LRRTM4: variants seen among roughly 807,000 people sequenced by gnomAD.
The protein encoded by LRRTM4 is leucine-rich repeat transmembrane neuronal protein 4.
In LRRTM4, 25 loss-of-function variants were observed where a neutral mutation model predicts 47.6. That is an observed-to-expected ratio of 0.53 (90% CI 0.38 to 0.73). The LOEUF is 0.73. Among genes scored for constraint, LRRTM4 ranks in the 30% least tolerant of loss-of-function variants. The pLI is 0.00. For missense variants in LRRTM4, 638 were observed against 713.4 expected, an observed-to-expected ratio of 0.89 and a Z score of 1.20; for synonymous variants, 311 against 269.5, an observed-to-expected ratio of 1.15 and a Z score of -1.51.
chr2:77,403,214 A>G (rs943482181), intron 3 of LRRTM4, among the ~76,000 whole-genome samples: 2 of 151,960 alleles, frequency 1.3e-5, no homozygotes, highest in Admixed American at 6.6e-5. Flanking sequence ...TTGCCTTCCT[A>G]TACTGACTTT....
At chr2:77,325,123 C>T (rs896996670) in intron 3 of LRRTM4, among the ~76,000 whole-genome samples, 4 of 151,988 alleles carry the variant, frequency 2.6e-5, no homozygotes, top group Middle Eastern at 3.2e-3. Flanking sequence ...AGTGATATAC[C>T]ACTCTACATT....
At chr2:76,911,458 G>A (rs1000050176) in intron 3 of LRRTM4, among the ~76,000 whole-genome samples, 1 of 152,124 alleles carries the variant, frequency 6.6e-6, no homozygotes, top group South Asian at 2.1e-4. Flanking sequence ...CTTTGTTTTT[G>A]TATTCCCATC....
At chr2:77,019,856 A>T (rs1443445870) in intron 3 of LRRTM4, among the ~76,000 whole-genome samples, 1 of 152,090 alleles carries the variant, frequency 6.6e-6, no homozygotes, top group South Asian at 2.1e-4. Context: ...GGGTAATGGG[A>T]AAAGGTTAGA....
chr2:77,432,118 T>A (rs1675401999), intron 3 of LRRTM4, among the ~76,000 whole-genome samples: 1 of 151,990 alleles, frequency 6.6e-6, no homozygotes, highest in Admixed American at 6.6e-5. Context: ...ATCAAGTAAG[T>A]TCAAAACCCA....
chr2:77,059,578 A>G (rs1679719631), intron 3 of LRRTM4, among the ~76,000 whole-genome samples: 1 of 152,186 alleles, frequency 6.6e-6, no homozygotes, highest in Non-Finnish European at 1.5e-5. Flanking sequence ...AAGAGACTCA[A>G]TAATTTTGTT....
At chr2:77,222,966 C>G (rs955824096) in intron 3 of LRRTM4, among the ~76,000 whole-genome samples, 1 of 152,104 alleles carries the variant, frequency 6.6e-6, no homozygotes, top group South Asian at 2.1e-4. Flanking sequence ...CAATAAAATA[C>G]TGGCAAACTG....
At chr2:77,122,528 C>T (rs1205091644) in intron 3 of LRRTM4, among the ~76,000 whole-genome samples, 2 of 149,922 alleles carry the variant, frequency 1.3e-5, no homozygotes, top group African/African-American at 4.9e-5. Context: ...AATATATATA[C>T]ACAATAGATA....
At chr2:76,940,592 G>A (rs748433494) in intron 3 of LRRTM4, among the ~76,000 whole-genome samples, 5 of 152,076 alleles carry the variant, frequency 3.3e-5, no homozygotes, top group Admixed American at 6.6e-5. Flanking sequence ...CCCATGACAC[G>A]AGTTTACCTA....
At chr2:76,753,354 G>A (rs982405008) in intron 3 of LRRTM4, among the ~76,000 whole-genome samples, 3 of 152,134 alleles carry the variant, frequency 2.0e-5, no homozygotes, top group African/African-American at 7.2e-5. Context: ...CACTGACAGT[G>A]TCTTTCTTGA....
chr2:76,913,804 G>A (rs1282130400), intron 3 of LRRTM4, among the ~76,000 whole-genome samples: 1 of 151,892 alleles, frequency 6.6e-6, no homozygotes, highest in Non-Finnish European at 1.5e-5. Flanking sequence ...CTCCCAAAGT[G>A]CTGGGATTAC....
At chr2:77,298,964 T>A (rs1238984182) in intron 3 of LRRTM4, among the ~76,000 whole-genome samples, 1 of 152,096 alleles carries the variant, frequency 6.6e-6, no homozygotes, top group Non-Finnish European at 1.5e-5. Context: ...CTTAAGATAA[T>A]TTTTAGGATA....
At chr2:77,356,835 C>T (rs976517931) in intron 3 of LRRTM4, among the ~76,000 whole-genome samples, 4 of 152,098 alleles carry the variant, frequency 2.6e-5, no homozygotes, top group African/African-American at 9.7e-5. Flanking sequence ...CCTATATGCA[C>T]ACAAGGGTGC....
At chr2:77,436,605 C>T (rs1675609049) in intron 3 of LRRTM4, among the ~76,000 whole-genome samples, 2 of 151,516 alleles carry the variant, frequency 1.3e-5, no homozygotes, top group South Asian at 2.1e-4. Context: ...TTTAAACAAA[C>T]GAATAGATTC....
At chr2:76,906,371 A>G (rs7601619) in intron 3 of LRRTM4, among the ~76,000 whole-genome samples, 55,966 of 151,908 alleles carry the variant, frequency 0.37, 11,249 homozygotes, top group East Asian at 0.72. Context: ...AGGAACAACC[A>G]GTACCAGATG....
At chr2:77,505,838 A>G (rs1678747573) in intron 3 of LRRTM4, among the ~76,000 whole-genome samples, 1 of 151,580 alleles carries the variant, frequency 6.6e-6, no homozygotes, top group South Asian at 2.1e-4. Flanking sequence ...GAGCTCTAAG[A>G]CAATATTTTT....
intron 3 of LRRTM4, among the ~76,000 whole-genome samples, chr2:77,065,554 T>C (rs1231041478): frequency 6.6e-6 from 1 of 152,204 alleles, no homozygotes; most frequent in Non-Finnish European, 1.5e-5. Context: ...AATTACATTT[T>C]GTAACAACAT....
intron 3 of LRRTM4, among the ~76,000 whole-genome samples, chr2:76,873,533 T>TATATATATATATATAC (rs1174673622): frequency 5.9e-4 from 85 of 145,180 alleles, no homozygotes; most frequent in African/African-American, 1.9e-3. Flanking sequence ...TATATATATA[T>TATATATATATATATAC]ACAACATAGT....
intron 3 of LRRTM4, among the ~76,000 whole-genome samples, chr2:77,117,915 A>T (rs560462558): frequency 6.6e-6 from 1 of 151,940 alleles, no homozygotes; most frequent in Admixed American, 6.6e-5. Context: ...GAATTCCTGT[A>T]TTATAGAATA....
At chr2:77,150,815 G>C (rs1195101518) in intron 3 of LRRTM4, among the ~76,000 whole-genome samples, 1 of 151,932 alleles carries the variant, frequency 6.6e-6, no homozygotes, top group East Asian at 1.9e-4. Context: ...CCCAATTACT[G>C]TCATACTATC....
Sources: allele counts gnomAD v4.1 joint callset (sites outside exome capture counted in the v4.1 genomes callset), GRCh38; gene constraint gnomAD v4.1.1; transcripts MANE v1.5; gene names NCBI Gene and HGNC (gene_info 2026-07-23, HGNC 2026-07-21).